Variants in MACROD2 observed in about 807,000 individuals in gnomAD.
MACROD2 encodes the protein mono-ADP ribosylhydrolase 2, also known as ADP-ribose glycohydrolase MACROD2.
In MACROD2, 36 loss-of-function variants were observed where a neutral mutation model predicts 70.4. The observed-to-expected ratio is 0.51, with a 90% CI of 0.39 to 0.68. The LOEUF is 0.68. Among genes scored for constraint, MACROD2 ranks in the 30% least tolerant of loss-of-function variants. The probability of loss-of-function intolerance (pLI) is 0.00; values close to 1 mark genes in which losing one functional copy is unlikely to be tolerated. For synonymous variants in MACROD2, 172 were observed against 178.8 expected, an observed-to-expected ratio of 0.96 and a Z score of 0.30; for missense variants, 496 against 538.4, an observed-to-expected ratio of 0.92 and a Z score of 0.78.
At chr20:15,594,150 C>G (rs1187737691) in intron 8 of MACROD2, among the ~76,000 whole-genome samples, 1 of 152,208 alleles carries the variant, frequency 6.6e-6, no homozygotes, top group Non-Finnish European at 1.5e-5. Context: ...CAATAAGACC[C>G]ACCCATATTT....
chr20:14,862,160 A>T (rs1488423515), intron 5 of MACROD2, among the ~76,000 whole-genome samples: 3 of 14,522 alleles, frequency 2.1e-4, no homozygotes, highest in East Asian at 3.0e-3. Flanking sequence ...TAAATATATA[A>T]ATATATATAA....
At chr20:15,355,916 A>G (rs2078282099) in intron 6 of MACROD2, among the ~76,000 whole-genome samples, 1 of 152,186 alleles carries the variant, frequency 6.6e-6, no homozygotes, top group Non-Finnish European at 1.5e-5. Context: ...CAAACAAACA[A>G]ACAAAAACAC....
At chr20:15,148,128 A>G (rs1475622826) in intron 5 of MACROD2, among the ~76,000 whole-genome samples, 3 of 151,774 alleles carry the variant, frequency 2.0e-5, no homozygotes, top group East Asian at 1.9e-4. Context: ...GGGGGGTGGT[A>G]TGGAGAGAGA....
intron 3 of MACROD2, among the ~76,000 whole-genome samples, chr20:14,376,512 C>A (rs1204538914): frequency 1.3e-5 from 2 of 151,970 alleles, no homozygotes; most frequent in Non-Finnish European, 2.9e-5. Context: ...CTTTGGGAGG[C>A]CAAGGTGGGA....
chr20:14,488,665 C>T (rs555388470), intron 3 of MACROD2, among the ~76,000 whole-genome samples: 1 of 152,216 alleles, frequency 6.6e-6, no homozygotes, highest in African/African-American at 2.4e-5. Context: ...TCTAAGTTGA[C>T]ATATTGTATG....
intron 6 of MACROD2, among the ~76,000 whole-genome samples, chr20:15,245,442 A>G (rs1289186378): frequency 2.0e-5 from 3 of 152,228 alleles, no homozygotes; most frequent in African/African-American, 7.2e-5. Context: ...AGGCACTGGC[A>G]ATTCTATTGT....
chr20:15,480,147 A>C (rs980595640), intron 7 of MACROD2, among the ~76,000 whole-genome samples: 2 of 152,208 alleles, frequency 1.3e-5, no homozygotes, highest in African/African-American at 4.8e-5. Flanking sequence ...GTGCATATTC[A>C]TGGAGAGTGA....
At chr20:15,676,933 G>A (rs1027148842) in intron 8 of MACROD2, among the ~76,000 whole-genome samples, 12 of 152,158 alleles carry the variant, frequency 7.9e-5, no homozygotes, top group African/African-American at 2.7e-4. Flanking sequence ...AAATAAATGC[G>A]TTGGGTTCAT....
intron 3 of MACROD2, chr20:14,127,589 A>C (rs553501301): frequency 2.2e-4 from 105 of 471,332 alleles, no homozygotes; most frequent in African/African-American, 2.0e-3. Context: ...TAGGAAACTG[A>C]AGGAAGAAGT....
intron 8 of MACROD2, among the ~76,000 whole-genome samples, chr20:15,817,073 G>A (rs1429687254): frequency 6.6e-6 from 1 of 152,178 alleles, no homozygotes; most frequent in Non-Finnish European, 1.5e-5. Context: ...CTCACAAGTT[G>A]TGGGCTCAAT....
intron 3 of MACROD2, among the ~76,000 whole-genome samples, chr20:14,377,039 G>C (rs204651): frequency 0.93 from 140,850 of 152,158 alleles, 65,272 homozygotes; most frequent in African/African-American, 0.97. Flanking sequence ...AAATATCACT[G>C]TCTCCAATTA....
At chr20:15,477,928 A>G (rs987971354) in intron 7 of MACROD2, among the ~76,000 whole-genome samples, 2 of 152,154 alleles carry the variant, frequency 1.3e-5, no homozygotes, top group Admixed American at 6.5e-5. Context: ...TAGTGGAATC[A>G]GATGTTGCAG....
At chr20:15,787,799 C>T (rs543388376) in intron 8 of MACROD2, among the ~76,000 whole-genome samples, 6 of 152,038 alleles carry the variant, frequency 3.9e-5, no homozygotes, top group Non-Finnish European at 2.9e-5. Context: ...TTCAATTTAA[C>T]TTTTTTATCA....
chr20:15,665,345 C>G lies in MACROD2; in HGVS notation c.645+165498C>G, dbSNP rs781195428. Among the ~76,000 whole-genome samples the G allele has an allele frequency of 5.9e-5, 9 of 152,224 alleles. No homozygotes were observed. In the South Asian group the frequency reaches 6.2e-4, roughly 11 times the overall value. ...ATATTGTAGTCGGTACCTTGGTTGA[C>G]GTGCGTGGATTCCTATCTTCAACAA... On this transcript the variant is annotated intron_variant, in intron 8 of 17. Coordinates refer to ENST00000684519, the MANE Select transcript of MACROD2 (RefSeq NM_001351661.2).
intron 5 of MACROD2, among the ~76,000 whole-genome samples, chr20:15,078,486 T>G (rs1187698132): frequency 1.3e-5 from 2 of 152,122 alleles, no homozygotes; most frequent in Non-Finnish European, 2.9e-5. Flanking sequence ...TGTTGTTAGG[T>G]GATATAGGCT....
intron 5 of MACROD2, among the ~76,000 whole-genome samples, chr20:14,913,089 G>A (rs2074048577): frequency 6.6e-6 from 1 of 152,162 alleles, no homozygotes; most frequent in Non-Finnish European, 1.5e-5. Flanking sequence ...GTGTATGTGT[G>A]TATGGCTGTG....
chr20:15,057,272 C>T lies in MACROD2; in HGVS notation c.419-172668C>T, dbSNP rs574884524. ...TCAATTTAATTCCCTCCATTTTATT[C>T]CAGGACTGCCTTCCTTAAGTGTTTT... is the stretch of plus-strand genomic sequence containing the variant. On this transcript the variant is annotated intron_variant, in intron 5 of 17. Coordinates refer to ENST00000684519, the MANE Select transcript of MACROD2 (RefSeq NM_001351661.2). 8.0e-4 allele frequency among the ~76,000 whole-genome samples: 122 copies of T among 152,244 alleles called. 1 individual carries two copies. The highest frequency in any genetic ancestry group is 3.4e-3 in the Middle Eastern group (1 of 294).
chr20:14,146,999 G>A (rs2054951128), intron 3 of MACROD2, among the ~76,000 whole-genome samples: 1 of 152,132 alleles, frequency 6.6e-6, no homozygotes, highest in Admixed American at 6.5e-5. Context: ...GAGAACTCCT[G>A]GGGGTGAGAG....
intron 3 of MACROD2, among the ~76,000 whole-genome samples, chr20:14,208,792 T>C (rs776995733): frequency 2.6e-5 from 4 of 152,118 alleles, no homozygotes; most frequent in Non-Finnish European, 5.9e-5. Flanking sequence ...GGTATGAGCC[T>C]CAAAAAGGGC....
Sources: gnomAD v4.1 joint callset for allele counts (sites outside exome capture counted in the v4.1 genomes callset) on GRCh38, gnomAD v4.1.1 for gene constraint, MANE v1.5 for transcripts, NCBI Gene and HGNC (gene_info 2026-07-23, HGNC 2026-07-21) for gene names.